ARHGAP22: variants seen among roughly 807,000 people sequenced by gnomAD.
The protein encoded by ARHGAP22 is rho GTPase-activating protein 22.
ARHGAP22 carries 48 observed loss-of-function variants against 59.1 expected under a neutral mutation model. That is an observed-to-expected ratio of 0.81 (90% CI 0.64 to 1.03). The LOEUF (loss-of-function observed/expected upper bound fraction) is 1.03. Ranked by LOEUF, ARHGAP22 falls within the 50% of genes least tolerant of loss-of-function variation. ARHGAP22 has a pLI of 0.00. For synonymous variants in ARHGAP22, 445 were observed against 416.4 expected, an observed-to-expected ratio of 1.07 and a Z score of -0.84; for missense variants, 1,015 against 958.7, an observed-to-expected ratio of 1.06 and a Z score of -0.78.
At chr10:48,529,204 A>T (rs2054600806) in intron 3 of ARHGAP22, among the ~76,000 whole-genome samples, 1 of 152,228 alleles carries the variant, frequency 6.6e-6, no homozygotes, top group African/African-American at 2.4e-5. Context: ...TGGAGCAGAG[A>T]AAAAGCAAAG....
chr10:48,555,429 C>T, intron 3 of ARHGAP22, 34 bp downstream of exon 3: 1 of 1,602,972 alleles, frequency 6.2e-7, no homozygotes, highest in Non-Finnish European at 8.5e-7. Context: ...ACACCCCCAC[C>T]AGGGCTGCAG....
intron 8 of ARHGAP22, chr10:48,451,511 C>T (rs1471437119): frequency 1.4e-6 from 1 of 702,470 alleles, no homozygotes; most frequent in Admixed American, 2.0e-5. Context: ...CTCTCGGCTG[C>T]CCCACGTCAC....
chr10:48,509,182 C>T (rs2052485829), intron 3 of ARHGAP22, among the ~76,000 whole-genome samples: 2 of 152,220 alleles, frequency 1.3e-5, no homozygotes, highest in Admixed American at 6.5e-5. Flanking sequence ...GGGCAGTGGT[C>T]TCACCTGCAG....
At chr10:48,582,437 G>A (rs910184784) in intron 2 of ARHGAP22, among the ~76,000 whole-genome samples, 19 of 152,216 alleles carry the variant, frequency 1.2e-4, no homozygotes, top group Non-Finnish European at 2.4e-4. Context: ...TAGCTGCTCT[G>A]AGGGAGTAAA....
At chr10:48,603,267 CT>C (rs2060490152) in intron 1 of ARHGAP22, among the ~76,000 whole-genome samples, 1 of 152,184 alleles carries the variant, frequency 6.6e-6, no homozygotes, top group African/African-American at 2.4e-5. Flanking sequence ...AGCCCCTTTG[CT>C]GAAGCACTGG....
intron 3 of ARHGAP22, among the ~76,000 whole-genome samples, chr10:48,505,877 G>C (rs2052066845): frequency 6.6e-6 from 1 of 152,208 alleles, no homozygotes; most frequent in Non-Finnish European, 1.5e-5. Flanking sequence ...GAGGCTGCCA[G>C]GGCCTGTGGC....
At chr10:48,480,635 G>A (rs948740746) in intron 3 of ARHGAP22, among the ~76,000 whole-genome samples, 2 of 152,180 alleles carry the variant, frequency 1.3e-5, no homozygotes, top group East Asian at 1.9e-4. Context: ...CAGGACCAGC[G>A]CTTACTGAGC....
intron 3 of ARHGAP22, among the ~76,000 whole-genome samples, chr10:48,492,298 G>A (rs2050480476): frequency 6.6e-6 from 1 of 152,002 alleles, no homozygotes. Flanking sequence ...TTTTAAAAGT[G>A]GCAGCAGCAA....
chr10:48,578,791 G>A (rs59556761), intron 2 of ARHGAP22, among the ~76,000 whole-genome samples: 7,798 of 151,862 alleles, frequency 0.051, 190 homozygotes, highest in Middle Eastern at 0.11. Context: ...TTTCTCAGTA[G>A]GTTATCTATA....
chr10:48,430,379 C>CCA, the ARHGAP22 span: 3 of 152,326 alleles, frequency 2.0e-5, no homozygotes, highest in Non-Finnish European at 4.4e-5. Context: ...CAGGCATGAG[C>CCA]CACCACACAT....
At chr10:48,548,292 C>T (rs1173479354) in intron 3 of ARHGAP22, among the ~76,000 whole-genome samples, 2 of 152,136 alleles carry the variant, frequency 1.3e-5, no homozygotes, top group Non-Finnish European at 2.9e-5. Context: ...CTAGAGTTAG[C>T]CAGAGCTGGC....
intron 4 of ARHGAP22, among the ~76,000 whole-genome samples, 161 bp from the exon 5 acceptor site, chr10:48,460,052 C>T (rs548571606): frequency 1.1e-3 from 175 of 152,276 alleles, no homozygotes; most frequent in Admixed American, 2.9e-3. Flanking sequence ...GTGCCCTGGC[C>T]GCCCGGACAC....
chr10:48,488,597 C>T (rs2050070265), intron 3 of ARHGAP22, among the ~76,000 whole-genome samples: 1 of 152,224 alleles, frequency 6.6e-6, no homozygotes, highest in African/African-American at 2.4e-5. Flanking sequence ...CAGTACAGAG[C>T]TAATTATTTC....
At chr10:48,461,465 C>T (rs1028525941) in intron 4 of ARHGAP22, among the ~76,000 whole-genome samples, 1 of 151,832 alleles carries the variant, frequency 6.6e-6, no homozygotes, top group Non-Finnish European at 1.5e-5. Context: ...ATAACATTAG[C>T]AAAAAGAAAG....
intron 2 of ARHGAP22, among the ~76,000 whole-genome samples, chr10:48,568,423 A>G (rs2058184883): frequency 6.6e-6 from 1 of 152,148 alleles, no homozygotes; most frequent in Non-Finnish European, 1.5e-5. Context: ...CCCCTGAAGT[A>G]CCTGGTGTTC....
rs1263888893 is a variant in ARHGAP22, at chr10:48,604,861, G to A, written c.-65C>T. On this transcript the variant is annotated 5_prime_UTR_variant, in exon 1 of 10. The change creates a new upstream start codon in the 5' untranslated region. Coordinates refer to ENST00000249601, the MANE Select transcript of ARHGAP22 (RefSeq NM_021226.4). ...TGCTGTCATCCACTTGCTTTTGCTC[G>A]TCCTCGCGCCTAGTCGCCCCTCATG... 1.2e-5 allele frequency: 19 copies of A among 1,612,590 alleles called. No homozygotes were observed. The highest frequency in any genetic ancestry group is 1.6e-5 in the Non-Finnish European group (19 of 1,179,854).
chr10:48,462,051 T>C (rs954127015), intron 4 of ARHGAP22, among the ~76,000 whole-genome samples: 4 of 152,096 alleles, frequency 2.6e-5, no homozygotes, highest in African/African-American at 7.2e-5. Flanking sequence ...GACTCTTCCT[T>C]TGAGAACACA....
chr10:48,548,921 T>A (rs920177344), intron 3 of ARHGAP22, among the ~76,000 whole-genome samples: 1 of 152,188 alleles, frequency 6.6e-6, no homozygotes, highest in African/African-American at 2.4e-5. Context: ...GCTCTGGGGT[T>A]AGAGCTGGCT....
At chr10:48,622,935 C>A (rs1022533417) in intron 1 of ARHGAP22, among the ~76,000 whole-genome samples, 1 of 152,222 alleles carries the variant, frequency 6.6e-6, no homozygotes, top group African/African-American at 2.4e-5. Context: ...CTCCTCATCA[C>A]CCACTGGGCA....
Sources: gnomAD v4.1 joint callset for allele counts (sites outside exome capture counted in the v4.1 genomes callset) on GRCh38, gnomAD v4.1.1 for gene constraint, MANE v1.5 for transcripts, NCBI Gene and HGNC (gene_info 2026-07-23, HGNC 2026-07-21) for gene names.